CDYL: variants seen among roughly 807,000 people sequenced by gnomAD.
CDYL encodes chromodomain Y-like protein.
CDYL carries 8 observed loss-of-function variants against 47.3 expected under a neutral mutation model. The ratio of observed to expected loss-of-function variants is 0.17; its 90% CI spans 0.10 to 0.31. The LOEUF (loss-of-function observed/expected upper bound fraction) is 0.31, where lower values mean the gene tolerates loss of function less well. Ranked by LOEUF, CDYL falls within the 10% of genes least tolerant of loss-of-function variation. The probability of loss-of-function intolerance (pLI) is 1.00; values close to 1 mark genes in which losing one functional copy is unlikely to be tolerated. For synonymous variants in CDYL, 266 were observed against 265.0 expected (o/e 1.00, Z -0.04); for missense variants, 471 against 701.4 (o/e 0.67, Z 3.71).
intron 1 of CDYL, chr6:4,836,458 A>T (rs1207075916): frequency 5.9e-6 from 1 of 170,910 alleles, no homozygotes; most frequent in Non-Finnish European, 1.2e-5. Flanking sequence ...GGGAATTGAG[A>T]CTTCGGCTTT....
chr6:4,920,939 A>G (rs1008401725), intron 2 of CDYL, among the ~76,000 whole-genome samples: 2 of 151,894 alleles, frequency 1.3e-5, no homozygotes, highest in African/African-American at 4.8e-5. Flanking sequence ...TTTAAATTGC[A>G]TGTGTGTGTT....
chr6:4,871,646 T>A (rs1236451171), intron 1 of CDYL, among the ~76,000 whole-genome samples: 1 of 152,180 alleles, frequency 6.6e-6, no homozygotes, highest in Non-Finnish European at 1.5e-5. Flanking sequence ...AAATATTGAC[T>A]GTGCATCTGT....
chr6:4,815,171 C>T (rs762454785), intron 1 of CDYL, among the ~76,000 whole-genome samples: 6 of 152,278 alleles, frequency 3.9e-5, no homozygotes, highest in African/African-American at 1.2e-4. Flanking sequence ...TGTGTTCTCA[C>T]CCTCCCTCAA....
Position 4,707,940 on chromosome 6 carries a change from CTATT to C in CDYL, c.-39+1692_-39+1695del, listed in dbSNP as rs1365051789. 2.7e-5 allele frequency among the ~76,000 whole-genome samples: 4 copies of C among 149,718 alleles called. No individual in the cohort carries two copies. The East Asian group carries it at 5.8e-4, about 22-fold the overall frequency. ...AGTCCAAATGTTATTTAATAGTGTG[CTATT>C]TAGTTTCTGAATAAGCAGGACTTTA... is the stretch of plus-strand genomic sequence containing the variant. On this transcript the variant is annotated intron_variant, in intron 1 of 8. Transcript: ENST00000328908.
chr6:4,834,433 C>T (rs1452278675), intron 1 of CDYL, among the ~76,000 whole-genome samples: 3 of 148,406 alleles, frequency 2.0e-5, no homozygotes, highest in East Asian at 2.0e-4. Flanking sequence ...GAGTTTCTGC[C>T]GAGAGATCCG....
At chr6:4,951,509 A>G (rs1758703684) in intron 5 of CDYL, among the ~76,000 whole-genome samples, 1 of 152,064 alleles carries the variant, frequency 6.6e-6, no homozygotes, top group African/African-American at 2.4e-5. Flanking sequence ...AATTAATTTC[A>G]TATATACACA....
chr6:4,754,894 T>A (rs1193460973), intron 3 of CDYL, among the ~76,000 whole-genome samples: 1 of 152,220 alleles, frequency 6.6e-6, no homozygotes, highest in Non-Finnish European at 1.5e-5. Flanking sequence ...AAGTAATACA[T>A]GGTATGTGCC....
chr6:4,845,269 T>G (rs564429380), intron 1 of CDYL, among the ~76,000 whole-genome samples: 1 of 152,324 alleles, frequency 6.6e-6, no homozygotes, highest in East Asian at 1.9e-4. Context: ...GAACAAAAGG[T>G]AACCCAATCT....
At chr6:4,850,960 T>A (rs571809879) in intron 1 of CDYL, among the ~76,000 whole-genome samples, 2 of 152,218 alleles carry the variant, frequency 1.3e-5, no homozygotes, top group Non-Finnish European at 2.9e-5. Flanking sequence ...GGAAATATAA[T>A]GGCACCGAGG....
intron 1 of CDYL, among the ~76,000 whole-genome samples, chr6:4,816,242 T>C (rs1759671461): frequency 6.7e-6 from 1 of 149,766 alleles, no homozygotes; most frequent in Admixed American, 6.7e-5. Flanking sequence ...CGCAAATCTC[T>C]CGCGTCCCTG....
chr6:4,901,621 G>A (rs917982202), intron 2 of CDYL, among the ~76,000 whole-genome samples: 3 of 152,166 alleles, frequency 2.0e-5, no homozygotes, highest in Non-Finnish European at 2.9e-5. Context: ...TAGACTCTAC[G>A]TTAGAACCTA....
rs950557032 is a variant in CDYL at position 4,954,803 on chromosome 6, A to T, written c.*747A>T. 5 of 152,210 alleles carry T rather than the reference A, an allele frequency of 3.3e-5. No individual in the cohort carries two copies. The highest frequency in any genetic ancestry group is 1.2e-4 in the African/African-American group (5 of 41,468). The allele number at this position is 152,210 out of a possible 1,614,324, so 9.4% of individuals were successfully genotyped here. ...TGAATCACTGAATAGCTTAAGTATG[A>T]CTATCTAAGTTATAAGTTAGTCTTT... is the stretch of plus-strand genomic sequence containing the variant. On this transcript the variant is annotated 3_prime_UTR_variant, in exon 7 of 7. Transcript: ENST00000397588.
intron 2 of CDYL, among the ~76,000 whole-genome samples, chr6:4,908,666 G>C (rs867222984): frequency 6.6e-6 from 1 of 152,152 alleles, no homozygotes; most frequent in East Asian, 1.9e-4. Context: ...CTGAGCTTAC[G>C]TCTCTCTTTC....
chr6:4,954,100 G>GA lies in CDYL; in HGVS notation c.*45dup. 6.3e-7 allele frequency: 1 copy of GA among 1,580,428 alleles called. No homozygotes were observed. The highest frequency in any genetic ancestry group is 8.6e-7 in the Non-Finnish European group (1 of 1,158,920). On this transcript the variant is annotated 3_prime_UTR_variant, in exon 7 of 7. Transcript: ENST00000397588. ...GTGACACCGGGATCGGGCTGAGCAG[G>GA]AGAACATCACCGGCTCCAGTTCCCC...
In CDYL at chr6:4,881,086, C is replaced by CTG. The variant is rs372473489; in HGVS notation, c.25-10615_25-10614dup. ...TTTGTAGATAGCATGTACTTGGGTT[C>CTG]TGTGTGTGTGTGTTTTTAATCCATT... is the stretch of plus-strand genomic sequence containing the variant. On this transcript the variant is annotated intron_variant, in intron 1 of 6. Coordinates refer to ENST00000397588, the MANE Select transcript of CDYL (RefSeq NM_004824.4). 3.1e-3 allele frequency among the ~76,000 whole-genome samples: 474 copies of CTG among 151,980 alleles called. 2 individuals carry two copies. Among genetic ancestry groups the CTG allele is most frequent in the African/African-American group, 0.01 (419 of 41,468 alleles).
At chr6:4,821,714 C>T (rs571379239) in intron 1 of CDYL, among the ~76,000 whole-genome samples, 47 of 150,008 alleles carry the variant, frequency 3.1e-4, no homozygotes, top group African/African-American at 1.1e-3. Flanking sequence ...CCAGCCTGGG[C>T]TCTAGAGCAA....
chr6:4,822,716 C>T (rs894242028), intron 1 of CDYL, among the ~76,000 whole-genome samples: 6 of 152,154 alleles, frequency 3.9e-5, no homozygotes, highest in Admixed American at 6.5e-5. Context: ...AAATGAAACC[C>T]TATTTCATGT....
intron 1 of CDYL, among the ~76,000 whole-genome samples, chr6:4,868,309 A>T (rs1050374227): frequency 1.3e-5 from 2 of 151,772 alleles, no homozygotes; most frequent in African/African-American, 4.8e-5. Context: ...TTTCATTTTC[A>T]TTCAATTCTA....
At chr6:4,784,413 A>G (rs887856308) in intron 1 of CDYL, among the ~76,000 whole-genome samples, 3 of 152,236 alleles carry the variant, frequency 2.0e-5, no homozygotes, top group Non-Finnish European at 4.4e-5. Context: ...CTTTATTGCC[A>G]GAATCTGAAG....
Sources: gnomAD v4.1 joint callset for allele counts (sites outside exome capture counted in the v4.1 genomes callset) on GRCh38, gnomAD v4.1.1 for gene constraint, MANE v1.5 for transcripts, NCBI Gene and HGNC (gene_info 2026-07-23, HGNC 2026-07-21) for gene names.